Variants in ZBTB32 observed in about 807,000 individuals in gnomAD.
ZBTB32 encodes the protein zinc finger and BTB domain-containing protein 32.
In ZBTB32, 28 loss-of-function variants were observed where a neutral mutation model predicts 45.3. That is an observed-to-expected ratio of 0.62 (90% CI 0.46 to 0.85). The LOEUF (loss-of-function observed/expected upper bound fraction) is 0.85, where lower values mean the gene tolerates loss of function less well. Among genes scored for constraint, ZBTB32 ranks in the 40% least tolerant of loss-of-function variants. The probability of loss-of-function intolerance (pLI) is 0.00; values close to 1 mark genes in which losing one functional copy is unlikely to be tolerated. For synonymous variants in ZBTB32, 283 were observed against 255.7 expected (o/e 1.11, Z -1.02); for missense variants, 587 against 624.4 (o/e 0.94, Z 0.64).
rs2227278 is a variant in ZBTB32, at chr19:35,715,148, A to C, written c.522A>C (p.Arg174Ser). ...ACAAGCACTCGCCACCAAGAGGCAG[A>C]CCCGAGATGGCAGGAGCAACGCAGG... ...MLHKHSPPRG[R>S]PEMAGATQEA... Residue 174 changes from arginine to serine, a missense_variant, in exon 3 of 7, where the codon AGA (arginine) becomes AGC (serine). Transcript: ENST00000392197. 167,009 of 1,613,788 alleles carry C rather than the reference A, an allele frequency of 0.1. 9,213 individuals carry two copies. The highest frequency in any genetic ancestry group is 0.11 in the South Asian group (10,331 of 91,072).
In ZBTB32 at chr19:35,714,670, A is replaced by T; in HGVS notation, c.44A>T (p.Asp15Val). The part of the protein sequence containing the change: ...PIRLPSPYGS[D>V]RLVQLAARLR... Reference sequence around the variant, plus strand: ...AGACTGCCCAGCCCCTATGGCTCTGATCGGCTGGTACAGCTAGCAGCCAGG... The same window carrying T: ...AGACTGCCCAGCCCCTATGGCTCTGTTCGGCTGGTACAGCTAGCAGCCAGG... The change falls in exon 3 of 7, where the codon GAT (aspartate) becomes GTT (valine). Residue 15 changes from aspartate to valine, a missense_variant. Asp to Val is a radical substitution (Grantham distance 152, BLOSUM62 -3). Transcript: ENST00000392197. 1 of 1,595,098 alleles carries T rather than the reference A, an allele frequency of 6.3e-7. No homozygotes were observed. The highest frequency in any genetic ancestry group is 8.6e-7 in the Non-Finnish European group (1 of 1,168,366).
intron 1 of ZBTB32, among the ~76,000 whole-genome samples, chr19:35,705,840 G>C (rs1425942687): frequency 6.6e-6 from 1 of 151,288 alleles, no homozygotes; most frequent in Non-Finnish European, 1.5e-5. Context: ...GAACCCACGA[G>C]GCGGAGGTTG....
Position 35,715,938 on chromosome 19 carries a change from G to T in ZBTB32, c.956-1G>T. On this transcript the variant is annotated splice_acceptor_variant, in intron 4 of 6. Transcript: ENST00000392197. LOFTEE classifies it high-confidence loss of function. Reference sequence around the variant, plus strand: ...CCCCTACCTCCCACTGTTCCTTCCAGGTTCCCTCCCCCAGGGCCCCGCACA... The same window carrying T: ...CCCCTACCTCCCACTGTTCCTTCCATGTTCCCTCCCCCAGGGCCCCGCACA... 2 of 1,613,326 alleles carry T rather than the reference G, an allele frequency of 1.2e-6. No homozygotes were observed. The highest frequency in any genetic ancestry group is 2.2e-5 in the South Asian group (2 of 91,038).
chr19:35,708,922 G>A lies in ZBTB32; in HGVS notation c.-221-3995G>A, dbSNP rs187126202. Among the ~76,000 whole-genome samples, 106 of 151,756 alleles carry A rather than the reference G, an allele frequency of 7.0e-4. 1 individual carries two copies. The East Asian group carries it at 0.02, about 29-fold the overall frequency. ...CAACCTCCACCTCCCGGGTTGAAGC[G>A]ATTCTCCTGCCTCAGCCTCTCGAGT... On this transcript the variant is annotated intron_variant, in intron 1 of 6. Transcript: ENST00000392197.
chr19:35,707,139 G>A (rs1056795757), intron 1 of ZBTB32, among the ~76,000 whole-genome samples: 5 of 150,170 alleles, frequency 3.3e-5, no homozygotes, highest in African/African-American at 1.2e-4. Flanking sequence ...AGACTGCAGT[G>A]AGCCATGATT....
intron 1 of ZBTB32, among the ~76,000 whole-genome samples, chr19:35,706,255 G>A (rs1162402656): frequency 6.6e-6 from 1 of 150,926 alleles, no homozygotes; most frequent in Non-Finnish European, 1.5e-5. Flanking sequence ...CTGGAATTGG[G>A]TCATGTCTGG....
intron 1 of ZBTB32, among the ~76,000 whole-genome samples, chr19:35,712,601 G>C (rs898711313): frequency 1.3e-5 from 2 of 152,200 alleles, no homozygotes; most frequent in Non-Finnish European, 2.9e-5. Flanking sequence ...TGAAAAGAGG[G>C]GAAACCTCCG....
chr19:35,708,516 G>C (rs1034808631), intron 1 of ZBTB32, among the ~76,000 whole-genome samples: 1 of 152,224 alleles, frequency 6.6e-6, no homozygotes. Context: ...AGGAAATTGA[G>C]GGTCTTGGAA....
At position 35,715,294 on chromosome 19, in the gene ZBTB32, AG is replaced by A; in HGVS notation, c.670del (p.Glu224LysfsTer44). The A allele has an allele frequency of 6.3e-7, 1 of 1,583,996 alleles. No homozygotes were observed. Among genetic ancestry groups the A allele is most frequent in the Non-Finnish European group, 8.6e-7 (1 of 1,166,704 alleles). ...TWLRENPGGSEESLRKLPGPL... is the reference protein window; with the variant it reads ...TWLRENPGGSXESLRKLPGPL... ...TTGAGGGAAAATCCAGGGGGCTCTGAGGAAAGTCTGCGCAAGCTCCCTGGCC... is the reference window on the plus strand; with the variant it reads ...TTGAGGGAAAATCCAGGGGGCTCTGAGAAAGTCTGCGCAAGCTCCCTGGCC... On this transcript the variant is annotated frameshift_variant, in exon 3 of 7. Transcript: ENST00000392197. LOFTEE classifies it high-confidence loss of function.
intron 1 of ZBTB32, among the ~76,000 whole-genome samples, chr19:35,708,822 CTT>C (rs560022559): frequency 9.1e-5 from 13 of 142,118 alleles, no homozygotes; most frequent in Admixed American, 2.8e-4. Flanking sequence ...TTTCTTTTTT[CTT>C]TTTTTTTTTT....
chr19:35,714,531 T>C lies in ZBTB32; in HGVS notation c.-96T>C. The C allele has an allele frequency of 1.5e-6, 2 of 1,323,038 alleles. No individual in the cohort carries two copies. The highest frequency in any genetic ancestry group is 2.0e-6 in the Non-Finnish European group (2 of 990,264). The allele number at this position is 1,323,038 out of a possible 1,614,324, so 82.0% of individuals were successfully genotyped here. A position where few individuals can be genotyped will look rare whatever the true frequency, so the allele number is the denominator to read the frequency against. On this transcript the variant is annotated 5_prime_UTR_variant, in exon 3 of 7. The change abolishes an upstream ATG in the 5' untranslated region. Transcript: ENST00000392197. Reference sequence around the variant, plus strand: ...TCCCCTCACATCCACAGGCTTGAAATGAGATGAGATGTTCCTCCCTCCCCT... The same window carrying C: ...TCCCCTCACATCCACAGGCTTGAAACGAGATGAGATGTTCCTCCCTCCCCT...
intron 1 of ZBTB32, among the ~76,000 whole-genome samples, chr19:35,705,320 G>GA (rs143334111): frequency 0.1 from 15,091 of 150,706 alleles, 869 homozygotes; most frequent in South Asian, 0.11. Context: ...CCTGTCTCAA[G>GA]AAAAAAAATG....
rs1968860248 is a variant in ZBTB32 at position 35,715,805 on chromosome 19, G to C, written c.930G>C (p.Gln310His). ...NAPKGLWSQNQLASSSPTPGS... is the reference protein window; with the variant it reads ...NAPKGLWSQNHLASSSPTPGS... ...CCAAAGGGCTCTGGAGCCAGAACCA[G>C]TTGGCCTCCTCCAGCCCTACCCCAG... is the stretch of plus-strand genomic sequence containing the variant. The change falls in exon 4 of 7, where the codon CAG (glutamine) becomes CAC (histidine). Residue 310 changes from glutamine to histidine, a missense_variant. Coordinates refer to ENST00000392197, the MANE Select transcript of ZBTB32 (RefSeq NM_014383.3). 1 of 1,613,826 alleles carries C rather than the reference G, an allele frequency of 6.2e-7. No homozygotes were observed.
intron 1 of ZBTB32, among the ~76,000 whole-genome samples, chr19:35,710,463 G>T (rs961142309): frequency 1.3e-5 from 2 of 151,880 alleles, no homozygotes; most frequent in Admixed American, 1.3e-4. Context: ...GTCTAGGGAG[G>T]GGGAGTACTT....
Position 35,715,810 on chromosome 19 carries a change from C to T in ZBTB32, c.935C>T (p.Ala312Val), listed in dbSNP as rs1275269183. Residue 312 changes from alanine (A) to valine (V), a missense_variant, in exon 4 of 7, where the codon GCC becomes GTC. Physicochemically the swap from Ala to Val is moderately conservative, Grantham distance 64. Coordinates refer to ENST00000392197, the MANE Select transcript of ZBTB32 (RefSeq NM_014383.3). ...PKGLWSQNQL[A>V]SSSPTPGSLP... ...GGGCTCTGGAGCCAGAACCAGTTGG[C>T]CTCCTCCAGCCCTACCCCAGGTAAG... 1 of 1,613,784 alleles carries T rather than the reference C, an allele frequency of 6.2e-7. No homozygotes were observed. Among genetic ancestry groups the T allele is most frequent in the Non-Finnish European group, 8.5e-7 (1 of 1,179,882 alleles).
intron 1 of ZBTB32, among the ~76,000 whole-genome samples, chr19:35,706,352 C>A (rs574981463): frequency 7.0e-4 from 106 of 152,088 alleles, no homozygotes; most frequent in African/African-American, 2.4e-3. Flanking sequence ...AGGTGCGGGG[C>A]AGGTGCATGG....
At position 35,714,869 on chromosome 19, in the gene ZBTB32, G is replaced by A. The variant is rs895782789; in HGVS notation, c.243G>A (p.Glu81=). 5.6e-6 allele frequency: 9 copies of A among 1,608,278 alleles called. No homozygotes were observed. In the East Asian group the frequency reaches 2.0e-4, roughly 36 times the overall value. ...AGCTCCTGAACTTTGTGTATGGGGA[G>A]AGTGTAGAGCTGCAGCCTGGAGAGC... ...FAQLLNFVYG[E]SVELQPGELR... Residue 81 remains glutamate, a synonymous_variant, in exon 3 of 7, where the codon GAG becomes GAA. Coordinates refer to ENST00000392197, the MANE Select transcript of ZBTB32 (RefSeq NM_014383.3).
At chr19:35,712,533 A>G (rs1968731368) in intron 1 of ZBTB32, among the ~76,000 whole-genome samples, 1 of 152,184 alleles carries the variant, frequency 6.6e-6, no homozygotes, top group Admixed American at 6.5e-5. Flanking sequence ...AGAAACAGAA[A>G]AAGAAAGTTG....
rs1272935330 is a variant in ZBTB32 at position 35,716,763 on chromosome 19, G to A, written c.*11G>A. 2 of 1,595,920 alleles carry A rather than the reference G, an allele frequency of 1.3e-6. No individual in the cohort carries two copies. Among genetic ancestry groups the A allele is most frequent in the East Asian group, 2.3e-5 (1 of 44,362 alleles). Reference sequence around the variant, plus strand: ...TCCTCCACCACCTGACGGGGTGTCGGTAGCGTCTTAGCCAAGAGTCCAATT... The same window carrying A: ...TCCTCCACCACCTGACGGGGTGTCGATAGCGTCTTAGCCAAGAGTCCAATT... On this transcript the variant is annotated 3_prime_UTR_variant, in exon 7 of 7. Coordinates refer to ENST00000392197, the MANE Select transcript of ZBTB32 (RefSeq NM_014383.3).
Sources: gnomAD v4.1 joint callset for allele counts (sites outside exome capture counted in the v4.1 genomes callset) on GRCh38, gnomAD v4.1.1 for gene constraint, MANE v1.5 for transcripts, NCBI Gene and HGNC (gene_info 2026-07-23, HGNC 2026-07-21) for gene names.